MYO5A: variants seen among roughly 807,000 people sequenced by gnomAD.
MYO5A encodes unconventional myosin-Va.
A neutral mutation model predicts 249.7 loss-of-function variants in MYO5A; 98 were observed. That is an observed-to-expected ratio of 0.39 (90% CI 0.33 to 0.46). The LOEUF is 0.46. Among genes scored for constraint, MYO5A ranks in the 20% least tolerant of loss-of-function variants. The pLI, the probability that MYO5A is intolerant of heterozygous loss-of-function variation, is 0.98. For synonymous variants in MYO5A, 778 were observed against 810.6 expected (o/e 0.96, Z 0.68); for missense variants, 1,696 against 2,308.8 (o/e 0.73, Z 5.44).
intron 1 of MYO5A, among the ~76,000 whole-genome samples, chr15:52,500,103 T>A (rs1346557112): frequency 6.6e-6 from 1 of 152,174 alleles, no homozygotes; most frequent in African/African-American, 2.4e-5. Flanking sequence ...CATACTGTTT[T>A]CCATAGTGGC....
intron 1 of MYO5A, among the ~76,000 whole-genome samples, chr15:52,522,330 C>A (rs570555677): frequency 6.6e-6 from 1 of 152,186 alleles, no homozygotes; most frequent in Middle Eastern, 3.4e-3. Flanking sequence ...AGGGACTTTT[C>A]AAGTATATTA....
intron 14 of MYO5A, among the ~76,000 whole-genome samples, chr15:52,385,878 C>T (rs181854313): frequency 1.3e-5 from 2 of 152,280 alleles, no homozygotes; most frequent in East Asian, 3.9e-4. Flanking sequence ...ACACTGTCCC[C>T]ACTTCAATGG....
chr15:52,391,814 T>C, intron 12 of MYO5A, 116 bp downstream of exon 12: 1 of 1,100,494 alleles, frequency 9.1e-7, no homozygotes, highest in Non-Finnish European at 1.4e-6. Flanking sequence ...TAACCCCTAC[T>C]TGTCACCACG....
At chr15:52,392,097 C>T in intron 11 of MYO5A, 27 bp from the exon 12 acceptor site, 1 of 1,598,042 alleles carries the variant, frequency 6.3e-7, no homozygotes, top group Non-Finnish European at 8.5e-7. Flanking sequence ...AAAAAGCAGT[C>T]ATTACTGGAT....
chr15:52,391,696 G>A (rs948531611), intron 12 of MYO5A, among the ~76,000 whole-genome samples: 10 of 152,076 alleles, frequency 6.6e-5, no homozygotes, highest in South Asian at 2.1e-4. Context: ...AGTATCTAAC[G>A]TCAATTTTTC....
intron 3 of MYO5A, among the ~76,000 whole-genome samples, chr15:52,426,875 A>G (rs182528124): frequency 2.0e-5 from 3 of 152,166 alleles, no homozygotes; most frequent in Middle Eastern, 3.4e-3. Flanking sequence ...TTAAATTGTA[A>G]TAAGGAAAAG....
intron 1 of MYO5A, among the ~76,000 whole-genome samples, chr15:52,506,439 A>G (rs1245708169): frequency 6.6e-6 from 1 of 151,984 alleles, no homozygotes; most frequent in Admixed American, 6.6e-5. Flanking sequence ...AGGCGTGGGA[A>G]TCACTTGAAC....
intron 10 of MYO5A, 106 bp from the exon 11 acceptor site, chr15:52,396,503 C>A: frequency 2.9e-6 from 2 of 684,508 alleles, no homozygotes; most frequent in Non-Finnish European, 5.1e-6. Flanking sequence ...CATTCCCCAA[C>A]ATTGTAAAAC....
At chr15:52,432,555 T>G (rs916788839) in intron 2 of MYO5A, among the ~76,000 whole-genome samples, 1 of 152,244 alleles carries the variant, frequency 6.6e-6, no homozygotes, top group Non-Finnish European at 1.5e-5. Flanking sequence ...AACTACTTAA[T>G]GACTTTGAAG....
intron 1 of MYO5A, among the ~76,000 whole-genome samples, chr15:52,501,674 TTTG>T (rs1251565540): frequency 1.3e-5 from 2 of 152,202 alleles, no homozygotes; most frequent in East Asian, 3.9e-4. Context: ...AAAGAAAATA[TTTG>T]TTTTTTTCTG....
chr15:52,519,853 C>A (rs927086931), intron 1 of MYO5A, among the ~76,000 whole-genome samples: 2 of 151,888 alleles, frequency 1.3e-5, no homozygotes, highest in African/African-American at 4.8e-5. Flanking sequence ...GCCTCGGCCT[C>A]CTGAGTAGCT....
intron 3 of MYO5A, 53 bp from the exon 4 acceptor site, chr15:52,426,027 G>C: frequency 1.3e-6 from 2 of 1,503,962 alleles, no homozygotes; most frequent in South Asian, 2.3e-5. Flanking sequence ...ATACCCTAAT[G>C]GGCATATCAA....
At chr15:52,490,880 C>G (rs530142095) in intron 1 of MYO5A, among the ~76,000 whole-genome samples, 1 of 152,194 alleles carries the variant, frequency 6.6e-6, no homozygotes, top group East Asian at 1.9e-4. Context: ...GCCACCACAT[C>G]CAGCTAATTT....
intron 35 of MYO5A, among the ~76,000 whole-genome samples, chr15:52,329,503 T>TA (rs2038769670): frequency 6.6e-6 from 1 of 152,238 alleles, no homozygotes; most frequent in Non-Finnish European, 1.5e-5. Context: ...GACCCAATCT[T>TA]AAAGGCAGTG....
chr15:52,433,351 A>C, intron 1 of MYO5A, 66 bp from the exon 2 acceptor site: 1 of 845,426 alleles, frequency 1.2e-6, no homozygotes, highest in Non-Finnish European at 2.0e-6. Context: ...ATATAAACAT[A>C]TGATAACTAT....
intron 15 of MYO5A, among the ~76,000 whole-genome samples, chr15:52,383,543 G>A (rs1457440943): frequency 1.3e-5 from 2 of 152,226 alleles, no homozygotes; most frequent in East Asian, 3.8e-4. Context: ...TTTGATGGAA[G>A]ATACTGGAAA....
chr15:52,443,751 C>T (rs950355532), intron 1 of MYO5A, among the ~76,000 whole-genome samples: 9 of 150,990 alleles, frequency 6.0e-5, no homozygotes, highest in Non-Finnish European at 1.0e-4. Flanking sequence ...GAGGCCGAGG[C>T]GGGTGGATTG....
At position 52,372,339 on chromosome 15, in the gene MYO5A, T is replaced by C. The variant is rs1352336379; in HGVS notation, c.2602A>G (p.Ile868Val). 9 of 1,603,730 alleles carry C rather than the reference T, an allele frequency of 5.6e-6. No individual in the cohort carries two copies. Among genetic ancestry groups the C allele is most frequent in the Non-Finnish European group, 7.6e-6 (9 of 1,179,958 alleles). ...RKILREHKAV[I>V]IQKRVRGWLA... Reference sequence around the variant, plus strand: ...CAGCCCCGGACTCGCTTCTGAATGATGACTGCTTTGTGCTCACGGAGTATC... The same window carrying C: ...CAGCCCCGGACTCGCTTCTGAATGACGACTGCTTTGTGCTCACGGAGTATC... Residue 868 changes from isoleucine to valine, a missense_variant, in exon 21 of 42, where the codon ATC (isoleucine) becomes GTC (valine). By Grantham distance (29) the Ile-to-Val change is conservative (BLOSUM62 3). Coordinates refer to ENST00000399233, the MANE Select transcript of MYO5A (RefSeq NM_001382347.1).
chr15:52,307,890 T>C lies in MYO5A; in HGVS notation c.*5806A>G, dbSNP rs998251139. 7 of 152,016 alleles carry C rather than the reference T, an allele frequency of 4.6e-5. No homozygotes were observed. Among genetic ancestry groups the C allele is most frequent in the African/African-American group, 1.7e-4 (7 of 41,394 alleles). 9.4% of individuals were successfully genotyped at this position (152,016 alleles called of 1,614,324 possible). A position where few individuals can be genotyped will look rare whatever the true frequency, so the allele number is the denominator to read the frequency against. On this transcript the variant is annotated 3_prime_UTR_variant, in exon 42 of 42. Transcript: ENST00000399233. ...TACTGCAGGATCCCACAAAAATACA[T>C]AACCAGGAATCATAAATTACAACAT... is the stretch of plus-strand genomic sequence containing the variant.
Sources: allele counts gnomAD v4.1 joint callset (sites outside exome capture counted in the v4.1 genomes callset), GRCh38; gene constraint gnomAD v4.1.1; transcripts MANE v1.5; gene names NCBI Gene and HGNC (gene_info 2026-07-23, HGNC 2026-07-21).